The following HS6ST3 variants were observed in gnomAD, a reference collection of about 807,000 sequenced individuals.
HS6ST3 encodes heparan-sulfate 6-O-sulfotransferase 3.
HS6ST3 carries 12 observed loss-of-function variants against 36.7 expected under a neutral mutation model. The observed-to-expected ratio is 0.33, with a 90% CI of 0.21 to 0.53. HS6ST3 has a LOEUF of 0.53. Among genes scored for constraint, HS6ST3 ranks in the 20% least tolerant of loss-of-function variants. The probability of loss-of-function intolerance (pLI) is 0.95; values close to 1 mark genes in which losing one functional copy is unlikely to be tolerated. For synonymous variants in HS6ST3, 240 were observed against 257.5 expected, an observed-to-expected ratio of 0.93 and a Z score of 0.65; for missense variants, 584 against 640.9, an observed-to-expected ratio of 0.91 and a Z score of 0.96.
intron 1 of HS6ST3, among the ~76,000 whole-genome samples, chr13:96,417,817 C>G (rs540409206): frequency 6.6e-6 from 1 of 150,926 alleles, no homozygotes; most frequent in African/African-American, 2.4e-5. Context: ...GCTGTGAAAG[C>G]TGAATTAATT....
intron 1 of HS6ST3, among the ~76,000 whole-genome samples, chr13:96,734,026 C>A (rs1054083387): frequency 3.3e-5 from 5 of 152,196 alleles, no homozygotes; most frequent in African/African-American, 9.7e-5. Flanking sequence ...TTTAAACATG[C>A]ACATCAGATC....
intron 1 of HS6ST3, among the ~76,000 whole-genome samples, chr13:96,098,646 A>G (rs1306764638): frequency 5.0e-5 from 7 of 141,404 alleles, no homozygotes. Context: ...ACAAAGTGAA[A>G]CCCTATCTCT....
At chr13:96,357,398 T>G (rs2055215484) in intron 1 of HS6ST3, among the ~76,000 whole-genome samples, 1 of 152,184 alleles carries the variant, frequency 6.6e-6, no homozygotes, top group African/African-American at 2.4e-5. Context: ...AGGTGAGAGA[T>G]GTGTGACTCT....
chr13:96,656,041 G>T (rs1349578936), intron 1 of HS6ST3, among the ~76,000 whole-genome samples: 1 of 152,108 alleles, frequency 6.6e-6, no homozygotes, highest in Non-Finnish European at 1.5e-5. Flanking sequence ...CATACTAATT[G>T]ATATAATCCC....
At chr13:96,494,891 T>C (rs1298506718) in intron 1 of HS6ST3, among the ~76,000 whole-genome samples, 1 of 152,210 alleles carries the variant, frequency 6.6e-6, no homozygotes, top group East Asian at 1.9e-4. Context: ...CTCTCCTTGA[T>C]ACATGCTTAA....
At chr13:96,202,515 C>G (rs545937385) in intron 1 of HS6ST3, among the ~76,000 whole-genome samples, 1 of 152,170 alleles carries the variant, frequency 6.6e-6, no homozygotes, top group Admixed American at 6.5e-5. Context: ...CTGCTCACTG[C>G]CCTGTGATCA....
intron 1 of HS6ST3, among the ~76,000 whole-genome samples, chr13:96,784,808 C>G (rs1404515767): frequency 6.6e-6 from 1 of 151,958 alleles, no homozygotes; most frequent in Non-Finnish European, 1.5e-5. Context: ...GAAATGAAAC[C>G]CTAAAATGTT....
chr13:96,090,616 G>GCGCCCCA lies in HS6ST3; in HGVS notation c.-242_-236dup, dbSNP rs1237372916. On this transcript the variant is annotated 5_prime_UTR_variant, in exon 1 of 2. Coordinates refer to ENST00000376705, the MANE Select transcript of HS6ST3 (RefSeq NM_153456.4). ...GCCCGGGCGCACCCGGGAGCGCAGG[G>GCGCCCCA]CGCCCCACGCCGCAGCCGCAGCCGA... is the stretch of plus-strand genomic sequence containing the variant. Among the ~76,000 whole-genome samples, 1 of 145,944 alleles carries GCGCCCCA rather than the reference G, an allele frequency of 6.9e-6. No individual in the cohort carries two copies. The highest frequency in any genetic ancestry group is 2.0e-4 in the East Asian group (1 of 4,954).
intron 1 of HS6ST3, among the ~76,000 whole-genome samples, chr13:96,248,959 A>C (rs2054596022): frequency 6.6e-6 from 1 of 152,140 alleles, no homozygotes; most frequent in African/African-American, 2.4e-5. Flanking sequence ...TCTGTCACCC[A>C]GTAGGTTTAT....
At chr13:96,568,410 G>A (rs2056289388) in intron 1 of HS6ST3, among the ~76,000 whole-genome samples, 2 of 152,052 alleles carry the variant, frequency 1.3e-5, no homozygotes, top group South Asian at 4.1e-4. Flanking sequence ...GAGATTACAG[G>A]CATGCACCAC....
chr13:96,229,432 T>G (rs2054497121), intron 1 of HS6ST3, among the ~76,000 whole-genome samples: 1 of 152,190 alleles, frequency 6.6e-6, no homozygotes. Context: ...TAGCTTAAGG[T>G]GCTGGTGGAT....
Position 96,420,035 on chromosome 13 carries a change from T to G in HS6ST3, c.707+328466T>G, listed in dbSNP as rs2055555419. Among the ~76,000 whole-genome samples, 6 of 152,334 alleles carry G rather than the reference T, an allele frequency of 3.9e-5. No individual in the cohort carries two copies. In the South Asian group the frequency reaches 1.2e-3, roughly 32 times the overall value. Reference sequence around the variant, plus strand: ...GTTATGCTATCATTCATAAAAATCCTGTATATAAGTTTGGGGTACAACCTC... The same window carrying G: ...GTTATGCTATCATTCATAAAAATCCGGTATATAAGTTTGGGGTACAACCTC... On this transcript the variant is annotated intron_variant, in intron 1 of 1. Transcript: ENST00000376705.
chr13:96,146,744 A>C (rs2054060023), intron 1 of HS6ST3, among the ~76,000 whole-genome samples: 1 of 152,208 alleles, frequency 6.6e-6, no homozygotes. Context: ...GGTCACTTTG[A>C]GAATACATTT....
At chr13:96,729,700 C>G (rs1394429150) in intron 1 of HS6ST3, among the ~76,000 whole-genome samples, 2 of 152,062 alleles carry the variant, frequency 1.3e-5, no homozygotes, top group Admixed American at 6.5e-5. Context: ...CTCCTGGCCT[C>G]AAGTGATACC....
At chr13:96,689,194 A>G (rs756325783) in intron 1 of HS6ST3, among the ~76,000 whole-genome samples, 8 of 152,062 alleles carry the variant, frequency 5.3e-5, no homozygotes, top group Non-Finnish European at 1.2e-4. Flanking sequence ...AATGACATAT[A>G]TAAGGGTTAC....
At chr13:96,731,604 A>G (rs1376484434) in intron 1 of HS6ST3, among the ~76,000 whole-genome samples, 2 of 152,028 alleles carry the variant, frequency 1.3e-5, no homozygotes, top group Admixed American at 6.6e-5. Context: ...TTGTAAATAT[A>G]TATGCCCAGT....
At chr13:96,476,578 G>A (rs1369983309) in intron 1 of HS6ST3, among the ~76,000 whole-genome samples, 2 of 152,246 alleles carry the variant, frequency 1.3e-5, no homozygotes, top group Admixed American at 6.5e-5. Flanking sequence ...AGCCAGGATC[G>A]TCTTGATCTC....
rs945521858 is a variant in HS6ST3 at position 96,835,711 on chromosome 13, T to G, written c.*2513T>G. ...TCAGATTGTTTCTTTTAAACTCACTTTAAAATTTTGGCAAGGAATTCATGC... is the reference window on the plus strand; with the variant it reads ...TCAGATTGTTTCTTTTAAACTCACTGTAAAATTTTGGCAAGGAATTCATGC... On this transcript the variant is annotated 3_prime_UTR_variant, in exon 2 of 2. Coordinates refer to ENST00000376705, the MANE Select transcript of HS6ST3 (RefSeq NM_153456.4). 1 of 152,026 alleles carries G rather than the reference T, an allele frequency of 6.6e-6. No individual in the cohort carries two copies. The highest frequency in any genetic ancestry group is 2.4e-5 in the African/African-American group (1 of 41,374). 9.4% of individuals were successfully genotyped at this position (152,026 alleles called of 1,614,324 possible).
At chr13:96,484,460 C>T (rs1297109030) in intron 1 of HS6ST3, among the ~76,000 whole-genome samples, 1 of 152,118 alleles carries the variant, frequency 6.6e-6, no homozygotes, top group Non-Finnish European at 1.5e-5. Flanking sequence ...CAGAATTTAT[C>T]CATCATGCAT....
Sources: gnomAD v4.1 joint callset for allele counts (sites outside exome capture counted in the v4.1 genomes callset) on GRCh38, gnomAD v4.1.1 for gene constraint, MANE v1.5 for transcripts, NCBI Gene and HGNC (gene_info 2026-07-23, HGNC 2026-07-21) for gene names.